Variants in TRPM3 observed in about 807,000 individuals in gnomAD.
The protein encoded by TRPM3 is transient receptor potential cation channel subfamily M member 3.
Under a neutral mutation model 181.2 loss-of-function variants are expected in TRPM3, and 77 were observed. That is an observed-to-expected ratio of 0.42 (90% CI 0.35 to 0.51). The LOEUF (loss-of-function observed/expected upper bound fraction) is 0.51, where lower values mean the gene tolerates loss of function less well. TRPM3 is among the 20% of genes least tolerant of loss of function. The pLI is 0.01. For missense variants in TRPM3, 1,759 were observed against 2,196.7 expected, an observed-to-expected ratio of 0.80 and a Z score of 3.98; for synonymous variants, 745 against 796.4, an observed-to-expected ratio of 0.94 and a Z score of 1.09.
intron 1 of TRPM3, among the ~76,000 whole-genome samples, chr9:71,056,977 T>A (rs1237405365): frequency 1.3e-5 from 2 of 152,042 alleles, no homozygotes; most frequent in African/African-American, 2.4e-5. Context: ...GGAAATGTTT[T>A]GGGGGCTCCT....
intron 22 of TRPM3, among the ~76,000 whole-genome samples, chr9:70,568,203 A>T (rs868603227): frequency 7.0e-4 from 107 of 152,362 alleles, no homozygotes; most frequent in African/African-American, 2.4e-3. Flanking sequence ...GCACAGACAC[A>T]AGGCAAATGG....
At chr9:71,320,349 G>A (rs2132461708) in intron 1 of TRPM3, among the ~76,000 whole-genome samples, 1 of 151,974 alleles carries the variant, frequency 6.6e-6, no homozygotes, top group East Asian at 1.9e-4. Flanking sequence ...CTTATTACAT[G>A]GTCTGAACAC....
intron 1 of TRPM3, among the ~76,000 whole-genome samples, chr9:71,368,448 A>G (rs1357215557): frequency 1.3e-5 from 2 of 152,160 alleles, no homozygotes; most frequent in Non-Finnish European, 2.9e-5. Context: ...TTCAGCCAAC[A>G]AACTTTTTGT....
intron 1 of TRPM3, among the ~76,000 whole-genome samples, chr9:71,201,377 T>C (rs1045533120): frequency 2.6e-5 from 4 of 152,110 alleles, no homozygotes; most frequent in Non-Finnish European, 4.4e-5. Flanking sequence ...TCGAGGAGTA[T>C]CTTTGTGGTG....
At chr9:70,620,802 A>G (rs2063502634) in intron 15 of TRPM3, among the ~76,000 whole-genome samples, 1 of 151,990 alleles carries the variant, frequency 6.6e-6, no homozygotes, top group Non-Finnish European at 1.5e-5. Flanking sequence ...GTTTCTGAAT[A>G]CCTATTAGAT....
intron 1 of TRPM3, among the ~76,000 whole-genome samples, chr9:71,234,552 T>C (rs1414756671): frequency 6.6e-6 from 1 of 152,178 alleles, no homozygotes; most frequent in African/African-American, 2.4e-5. Context: ...TGGTTGCTTC[T>C]GAAGCCTCTC....
intron 6 of TRPM3, among the ~76,000 whole-genome samples, chr9:70,814,193 G>A (rs2092450475): frequency 6.6e-6 from 1 of 152,190 alleles, no homozygotes; most frequent in African/African-American, 2.4e-5. Flanking sequence ...TGTCTTAGAA[G>A]TTCAGTGGGG....
At chr9:71,217,952 C>T (rs1487284277) in intron 1 of TRPM3, among the ~76,000 whole-genome samples, 2 of 152,192 alleles carry the variant, frequency 1.3e-5, no homozygotes, top group East Asian at 3.8e-4. Context: ...CTGTTTCCAT[C>T]CAAATATCTC....
chr9:71,094,998 CTT>C (rs1447334944), intron 1 of TRPM3, among the ~76,000 whole-genome samples: 3 of 152,164 alleles, frequency 2.0e-5, no homozygotes, highest in African/African-American at 7.2e-5. Context: ...TCTAAGTCCT[CTT>C]AGCATACTCC....
chr9:71,162,027 C>T (rs1308522238), intron 1 of TRPM3, among the ~76,000 whole-genome samples: 3 of 151,454 alleles, frequency 2.0e-5, no homozygotes, highest in Non-Finnish European at 4.4e-5. Flanking sequence ...CATGGTGAAA[C>T]CCCGTCTCTA....
chr9:71,422,694 C>A (rs1302302737), intron 1 of TRPM3, among the ~76,000 whole-genome samples: 1 of 152,012 alleles, frequency 6.6e-6, no homozygotes, highest in Non-Finnish European at 1.5e-5. Context: ...AAAGGAGACA[C>A]ATTTGACTAA....
chr9:71,319,610 T>C (rs1311664779), intron 1 of TRPM3, among the ~76,000 whole-genome samples: 2 of 152,134 alleles, frequency 1.3e-5, no homozygotes, highest in African/African-American at 4.8e-5. Flanking sequence ...CTCATAGACA[T>C]ACCCAGAAAT....
intron 5 of TRPM3, among the ~76,000 whole-genome samples, chr9:70,840,156 T>C (rs2094550354): frequency 6.6e-6 from 1 of 152,180 alleles, no homozygotes; most frequent in Admixed American, 6.6e-5. Flanking sequence ...TCATAAATCC[T>C]GTACACCAAA....
At chr9:71,178,992 G>T (rs552761373) in intron 1 of TRPM3, among the ~76,000 whole-genome samples, 1 of 152,186 alleles carries the variant, frequency 6.6e-6, no homozygotes, top group South Asian at 2.1e-4. Flanking sequence ...ACATTTTAAA[G>T]AACAGTTTAA....
At chr9:70,790,493 T>G (rs2130984003) in intron 6 of TRPM3, among the ~76,000 whole-genome samples, 1 of 152,302 alleles carries the variant, frequency 6.6e-6, no homozygotes, top group Non-Finnish European at 1.5e-5. Context: ...TTATGTGATT[T>G]TTGTTGATTT....
intron 8 of TRPM3, among the ~76,000 whole-genome samples, chr9:70,692,870 G>GT (rs34856459): frequency 0.15 from 22,983 of 152,176 alleles, 2,295 homozygotes; most frequent in East Asian, 0.39. Flanking sequence ...GAGGTTTGGG[G>GT]TTTTTTAAAG....
At chr9:71,014,525 A>G (rs911559566) in intron 1 of TRPM3, among the ~76,000 whole-genome samples, 3 of 152,072 alleles carry the variant, frequency 2.0e-5, no homozygotes. Flanking sequence ...TCTGCTTTAC[A>G]AAGTGGCTTA....
chr9:71,340,169 T>G (rs750913581), intron 1 of TRPM3, among the ~76,000 whole-genome samples: 3 of 152,144 alleles, frequency 2.0e-5, no homozygotes, highest in Non-Finnish European at 4.4e-5. Context: ...TGAAATGCAT[T>G]GCAGACAATG....
At chr9:71,155,678 A>G (rs1393653568) in intron 1 of TRPM3, among the ~76,000 whole-genome samples, 3 of 152,054 alleles carry the variant, frequency 2.0e-5, no homozygotes, top group African/African-American at 7.2e-5. Context: ...TATACTAGAG[A>G]TACATACATC....
Sources: gnomAD v4.1 joint callset for allele counts (sites outside exome capture counted in the v4.1 genomes callset) on GRCh38, gnomAD v4.1.1 for gene constraint, MANE v1.5 for transcripts, NCBI Gene and HGNC (gene_info 2026-07-23, HGNC 2026-07-21) for gene names.